The following DMD variants were observed in gnomAD, a reference collection of about 807,000 sequenced individuals.
The protein encoded by DMD is mutant dystrophin.
DMD carries 63 observed loss-of-function variants against 330.1 expected under a neutral mutation model. That is an observed-to-expected ratio of 0.19 (90% CI 0.16 to 0.24). The LOEUF (loss-of-function observed/expected upper bound fraction) is 0.24. Among genes scored for constraint, DMD ranks in the 10% least tolerant of loss-of-function variants. The pLI is 1.00. For missense variants in DMD, 3,344 were observed against 2,684.1 expected, an observed-to-expected ratio of 1.25 and a Z score of -5.43; for synonymous variants, 1,223 against 959.8, an observed-to-expected ratio of 1.27 and a Z score of -5.07.
At chrX:32,796,772 C>G (rs1401958869) in intron 7 of DMD, among the ~76,000 whole-genome samples, 1 of 111,701 alleles carries the variant, frequency 9.0e-6, no homozygotes, top group Non-Finnish European at 1.9e-5. Flanking sequence ...GAGAATAAAT[C>G]TAAGAGGATA....
In DMD at chrX:32,317,381, G is replaced by C. The variant is rs1271382401; in HGVS notation, c.5923-7105C>G. 2.2e-4 allele frequency among the ~76,000 whole-genome samples: 25 copies of C among 111,256 alleles called. No individual in the cohort carries two copies. The Admixed American group carries it at 2.4e-3, about 11-fold the overall frequency. Reference sequence around the variant, plus strand: ...ATGATTTGTATGATCTAAACTTAAAGTCAAAACAGTTTTAAGATTCTGAGC... The same window carrying C: ...ATGATTTGTATGATCTAAACTTAAACTCAAAACAGTTTTAAGATTCTGAGC... On this transcript the variant is annotated intron_variant, in intron 41 of 78. Transcript: ENST00000357033.
At chrX:32,201,486 C>A (rs1164843387) in intron 44 of DMD, among the ~76,000 whole-genome samples, 1 of 89,292 alleles carries the variant, frequency 1.1e-5, no homozygotes, top group Non-Finnish European at 2.2e-5. Context: ...CCCCCCCCAA[C>A]AAGGAGGCCA....
At chrX:31,733,329 T>C (rs1351764309) in intron 51 of DMD, among the ~76,000 whole-genome samples, 2 of 111,630 alleles carry the variant, frequency 1.8e-5, no homozygotes, top group African/African-American at 6.5e-5. Flanking sequence ...TAAAATAGAA[T>C]TCCACCTAAA....
Position 31,172,429 on chromosome X carries a change from A to C in DMD, c.10329-16T>G. ...TTCTGCTAGCCTGATAAAAAACGTA[A>C]AAGCTCATTAAAACTTATGTGACGT... On this transcript the variant is annotated splice_polypyrimidine_tract_variant and intron_variant, in intron 72 of 78. Transcript: ENST00000357033. 8.7e-7 allele frequency: 1 copy of C among 1,149,691 alleles called. No individual in the cohort carries two copies. Among genetic ancestry groups the C allele is most frequent in the Non-Finnish European group, 1.2e-6 (1 of 840,350 alleles). 94.7% of individuals were successfully genotyped at this position (1,149,691 alleles called of 1,213,427 possible). A position where few individuals can be genotyped will look rare whatever the true frequency, so the allele number is the denominator to read the frequency against.
At chrX:32,439,042 C>A (rs1459911480) in intron 28 of DMD, among the ~76,000 whole-genome samples, 1 of 111,431 alleles carries the variant, frequency 9.0e-6, no homozygotes, top group African/African-American at 3.3e-5. Context: ...CTATACTGCT[C>A]AAAATTGACA....
chrX:31,151,250 G>C, intron 74 of DMD, among the ~76,000 whole-genome samples: 1 of 112,294 alleles, frequency 8.9e-6, no homozygotes, highest in Non-Finnish European at 1.9e-5. Context: ...CATTCCATAG[G>C]AATTACTTTC....
chrX:32,859,953 A>C (rs769516912), intron 2 of DMD, among the ~76,000 whole-genome samples: 1 of 111,844 alleles, frequency 8.9e-6, no homozygotes, highest in Non-Finnish European at 1.9e-5. Flanking sequence ...TTTATGACTA[A>C]GATTTCCCTT....
chrX:32,656,024 G>C (rs2060543571), intron 9 of DMD, among the ~76,000 whole-genome samples: 1 of 111,367 alleles, frequency 9.0e-6, no homozygotes. Context: ...CTCTGGCAAA[G>C]ATTGCTCATC....
intron 62 of DMD, among the ~76,000 whole-genome samples, chrX:31,294,933 T>C (rs762460124): frequency 8.9e-6 from 1 of 112,371 alleles, no homozygotes; most frequent in South Asian, 3.7e-4. Flanking sequence ...TGTGTTTCAG[T>C]AGTGTAAACT....
At chrX:31,458,791 A>G (rs999657830) in intron 59 of DMD, among the ~76,000 whole-genome samples, 5 of 110,262 alleles carry the variant, frequency 4.5e-5, no homozygotes, top group African/African-American at 1.3e-4. Context: ...GTCAGATTTC[A>G]CCAAGACCCC....
chrX:31,769,097 AAT>A (rs947511952), intron 51 of DMD, among the ~76,000 whole-genome samples: 7 of 112,174 alleles, frequency 6.2e-5, no homozygotes, highest in Non-Finnish European at 1.1e-4. Flanking sequence ...CTTTTCACCA[AAT>A]ATGTTTTCTG....
intron 2 of DMD, among the ~76,000 whole-genome samples, chrX:32,997,298 T>G (rs1175908377): frequency 1.9e-5 from 2 of 107,652 alleles, no homozygotes; most frequent in Non-Finnish European, 3.8e-5. Flanking sequence ...CAGGCTGGAG[T>G]GCAGTGGCGC....
chrX:31,707,057 G>A (rs761113636), intron 52 of DMD, among the ~76,000 whole-genome samples: 17 of 99,877 alleles, frequency 1.7e-4, no homozygotes, highest in East Asian at 3.8e-4. Context: ...TTTTAATCTC[G>A]TTGTTTTTTT....
chrX:31,219,809 C>G (rs2045790304), intron 64 of DMD, among the ~76,000 whole-genome samples: 1 of 87,447 alleles, frequency 1.1e-5, no homozygotes, highest in Admixed American at 1.3e-4. Flanking sequence ...CAGTTCAAAC[C>G]CATGTTGTTC....
intron 18 of DMD, chrX:32,517,017 T>C (rs1370124960): frequency 1.8e-5 from 2 of 111,493 alleles, no homozygotes; most frequent in African/African-American, 6.5e-5. Flanking sequence ...ATAGATTTTT[T>C]TTCCAGAATA....
At chrX:32,492,846 T>A (rs3805050) in intron 19 of DMD, among the ~76,000 whole-genome samples, 1 of 112,275 alleles carries the variant, frequency 8.9e-6, no homozygotes, top group East Asian at 2.8e-4. Flanking sequence ...TTTAAATGTT[T>A]TATGTTCCCT....
At chrX:32,312,330 T>A (rs1409009622) in intron 41 of DMD, among the ~76,000 whole-genome samples, 1 of 111,454 alleles carries the variant, frequency 9.0e-6, no homozygotes, top group African/African-American at 3.2e-5. Context: ...GATGTTTTTA[T>A]CTATTTTCTG....
At chrX:31,577,934 T>C (rs1161660405) in intron 55 of DMD, among the ~76,000 whole-genome samples, 1 of 111,504 alleles carries the variant, frequency 9.0e-6, no homozygotes, top group Non-Finnish European at 1.9e-5. Flanking sequence ...ATGTTCTACC[T>C]AATTTTGAAC....
intron 43 of DMD, among the ~76,000 whole-genome samples, chrX:32,280,176 TATATATATATAC>T (rs1325339179): frequency 0.14 from 4,416 of 31,822 alleles, 119 homozygotes; most frequent in Middle Eastern, 0.3. Flanking sequence ...TATATATATA[TATATATATATAC>T]ACACTATGTA....
Sources: gnomAD v4.1 joint callset for allele counts (sites outside exome capture counted in the v4.1 genomes callset) on GRCh38, gnomAD v4.1.1 for gene constraint, MANE v1.5 for transcripts, NCBI Gene and HGNC (gene_info 2026-07-23, HGNC 2026-07-21) for gene names.